PCDHA5: variants seen among roughly 807,000 people sequenced by gnomAD.
PCDHA5 encodes protocadherin alpha-5.
Under a neutral mutation model 61.6 loss-of-function variants are expected in PCDHA5, and 43 were observed. The observed-to-expected ratio is 0.70, with a 90% confidence interval of 0.55 to 0.90. The LOEUF is 0.90. Ranked by LOEUF, PCDHA5 falls within the 40% of genes least tolerant of loss-of-function variation. PCDHA5 has a pLI of 0.00. For synonymous variants in PCDHA5, 627 were observed against 543.9 expected, an observed-to-expected ratio of 1.15 and a Z score of -2.13; for missense variants, 1,298 against 1,222.7, an observed-to-expected ratio of 1.06 and a Z score of -0.92.
At position 140,969,169 on chromosome 5, in the gene PCDHA5, A is replaced by G. The variant is rs201735192; in HGVS notation, c.2353-9780A>G. 2.0e-5 allele frequency: 33 copies of G among 1,614,094 alleles called. No homozygotes were observed. In the Admixed American group the frequency reaches 5.5e-4, roughly 27 times the overall value. On this transcript the variant is annotated intron_variant, in intron 1 of 3. Transcript: ENST00000529859. The stretch of plus-strand genomic sequence containing the variant: ...ACAAGGCCTGTCTGACAGCAGGCTC[A>G]GGGAGTGACACTTTCATGTTTTACA...
chr5:140,877,243 G>A lies in PCDHA5; in HGVS notation c.2352+53116G>A, dbSNP rs201483899. ...GCGGTCGGTGGGTGCGGGCCACGTG[G>A]TGGCGAAAGTGCGCGCGGTGGACGC... On this transcript the variant is annotated intron_variant, in intron 1 of 3. Transcript: ENST00000529859. The A allele has an allele frequency of 1.2e-5, 20 of 1,613,724 alleles. No individual in the cohort carries two copies. In the African/African-American group the frequency reaches 2.7e-4, roughly 22 times the overall value.
intron 1 of PCDHA5, chr5:140,828,572 G>A: frequency 3.1e-6 from 5 of 1,614,228 alleles, no homozygotes; most frequent in Non-Finnish European, 4.2e-6. Flanking sequence ...GTCCGATGCA[G>A]ATGTTGGCTC....
At chr5:140,869,174 G>A (rs2050887580) in intron 1 of PCDHA5, 1 of 1,613,958 alleles carries the variant, frequency 6.2e-7, no homozygotes, top group Non-Finnish European at 8.5e-7. Flanking sequence ...CTCGAATTCT[G>A]GGAGGTGGGG....
intron 1 of PCDHA5, chr5:140,835,666 G>C: frequency 6.2e-7 from 1 of 1,613,936 alleles, no homozygotes; most frequent in South Asian, 1.1e-5. Context: ...GTTACCGCGC[G>C]GGACGGGGGC....
rs183412283 is a variant in PCDHA5 at position 140,968,329 on chromosome 5, T to C, written c.2353-10620T>C. On this transcript the variant is annotated intron_variant, in intron 1 of 3. Transcript: ENST00000529859. ...TTCAAGGGCTGCCAGTCACCTCCTA[T>C]GTCTCCATTAACAGTGCCAGTGGCA... is the stretch of plus-strand genomic sequence containing the variant. 7.7e-5 allele frequency: 125 copies of C among 1,614,150 alleles called. 1 individual carries two copies. In the East Asian group the frequency reaches 2.7e-3, roughly 34 times the overall value.
At chr5:140,835,352 C>A (rs2150234415) in intron 1 of PCDHA5, 3 of 1,613,802 alleles carry the variant, frequency 1.9e-6, no homozygotes, top group South Asian at 1.1e-5. Flanking sequence ...TCGAGGCTGT[C>A]GATAAAGGCT....
chr5:140,934,741 T>TATG (rs2090025323), intron 1 of PCDHA5, among the ~76,000 whole-genome samples: 1 of 152,144 alleles, frequency 6.6e-6, no homozygotes, highest in Non-Finnish European at 1.5e-5. Flanking sequence ...TAGGTGTCAT[T>TATG]ATGAACTCAT....
intron 1 of PCDHA5, among the ~76,000 whole-genome samples, chr5:140,978,464 C>T (rs1281042342): frequency 5.3e-5 from 8 of 152,226 alleles, no homozygotes; most frequent in Non-Finnish European, 2.9e-5. Flanking sequence ...CGCCCTGGGT[C>T]AAATATGCTG....
intron 1 of PCDHA5, among the ~76,000 whole-genome samples, chr5:140,892,990 G>T (rs782084236): frequency 1.3e-5 from 2 of 152,164 alleles, no homozygotes; most frequent in African/African-American, 2.4e-5. Context: ...GTATAAGTGA[G>T]AACATGTATT....
At chr5:140,969,923 A>G (rs1270842223) in intron 1 of PCDHA5, among the ~76,000 whole-genome samples, 3 of 152,234 alleles carry the variant, frequency 2.0e-5, no homozygotes, top group Non-Finnish European at 4.4e-5. Flanking sequence ...AAGCTGTAGT[A>G]TTTAGACATC....
At chr5:140,841,479 G>T (rs2150316299) in intron 1 of PCDHA5, 1 of 1,613,084 alleles carries the variant, frequency 6.2e-7, no homozygotes, top group Non-Finnish European at 8.5e-7. Context: ...CAGGACCTGG[G>T]GCTGGAGCTG....
At chr5:140,857,196 A>G in intron 1 of PCDHA5, 1 of 1,598,586 alleles carries the variant, frequency 6.3e-7, no homozygotes, top group Non-Finnish European at 8.6e-7. Flanking sequence ...GCCAACGGAC[A>G]GGTCACCTGC....
intron 1 of PCDHA5, chr5:140,850,404 C>G: frequency 6.3e-7 from 1 of 1,597,970 alleles, no homozygotes; most frequent in Non-Finnish European, 8.6e-7. Context: ...AACGCGTGCC[C>G]TGGACGAAAC....
rs1259591783 is a variant in PCDHA5, at chr5:141,009,842, G to C, written c.2716G>C (p.Glu906Gln). 1.2e-6 allele frequency: 2 copies of C among 1,613,960 alleles called. No individual in the cohort carries two copies. The highest frequency in any genetic ancestry group is 1.7e-6 in the Non-Finnish European group (2 of 1,180,014). ...TGACTTCATAACCTTCGGCAAAAAG[G>C]AGGAGACCAAGAAAAAGAAGAAAAA... ...KSDFITFGKKEETKKKKKKKK... is the reference protein window; with the variant it reads ...KSDFITFGKKQETKKKKKKKK... The change falls in exon 4 of 4, where the codon GAG becomes CAG. Residue 906 changes from glutamate (E) to glutamine (Q), a missense_variant. Coordinates refer to ENST00000529859, the MANE Select transcript of PCDHA5 (RefSeq NM_018908.3).
intron 1 of PCDHA5, among the ~76,000 whole-genome samples, chr5:140,954,602 A>G (rs2095062634): frequency 6.6e-6 from 1 of 152,120 alleles, no homozygotes; most frequent in South Asian, 2.1e-4. Flanking sequence ...TTCTTTGCCC[A>G]CTTTTTAATG....
At chr5:140,888,048 A>G (rs534072281) in intron 1 of PCDHA5, among the ~76,000 whole-genome samples, 40 of 152,296 alleles carry the variant, frequency 2.6e-4, no homozygotes, top group African/African-American at 9.4e-4. Context: ...TGTATAATAG[A>G]TGTTTTAACT....
intron 1 of PCDHA5, among the ~76,000 whole-genome samples, chr5:140,895,413 C>G (rs141941836): frequency 6.6e-6 from 1 of 152,122 alleles, no homozygotes; most frequent in Non-Finnish European, 1.5e-5. Flanking sequence ...GCCCCATAAC[C>G]TTCTTTTGCT....
intron 1 of PCDHA5, among the ~76,000 whole-genome samples, chr5:140,965,094 A>G (rs1289535686): frequency 6.6e-6 from 1 of 152,236 alleles, no homozygotes; most frequent in Non-Finnish European, 1.5e-5. Context: ...TCCAGTCCAT[A>G]GCTAGAAAAT....
In PCDHA5 at chr5:140,971,075, T is replaced by C. The variant is rs560795307; in HGVS notation, c.2353-7874T>C. 1.4e-4 allele frequency among the ~76,000 whole-genome samples: 22 copies of C among 152,322 alleles called. No homozygotes were observed. The South Asian group carries it at 3.7e-3, about 26-fold the overall frequency. ...CTTTAAATAAGGTTGCTGTAGACAT[T>C]TGCTTAACAAATTCTTGTGAAGCCC... is the stretch of plus-strand genomic sequence containing the variant. On this transcript the variant is annotated intron_variant, in intron 1 of 3. Transcript: ENST00000529859.
Sources: gnomAD v4.1 joint callset for allele counts (sites outside exome capture counted in the v4.1 genomes callset) on GRCh38, gnomAD v4.1.1 for gene constraint, MANE v1.5 for transcripts, NCBI Gene and HGNC (gene_info 2026-07-23, HGNC 2026-07-21) for gene names.